TMEM164: variants seen among roughly 807,000 people sequenced by gnomAD.
TMEM164 encodes RP13-360B22.2.
A neutral mutation model predicts 18.8 loss-of-function variants in TMEM164; 4 were observed. The ratio of observed to expected loss-of-function variants is 0.21; its 90% CI spans 0.10 to 0.49. The LOEUF (loss-of-function observed/expected upper bound fraction) is 0.49. Among genes scored for constraint, TMEM164 ranks in the 20% least tolerant of loss-of-function variants. The probability of loss-of-function intolerance (pLI) is 0.98; values close to 1 mark genes in which losing one functional copy is unlikely to be tolerated. For missense variants in TMEM164, 108 were observed against 239.9 expected, an observed-to-expected ratio of 0.45 and a Z score of 3.63; for synonymous variants, 86 against 101.7, an observed-to-expected ratio of 0.85 and a Z score of 0.93.
At chrX:110,153,013 AC>A (rs1222235097) in intron 5 of TMEM164, among the ~76,000 whole-genome samples, 1 of 111,545 alleles carries the variant, frequency 9.0e-6, no homozygotes, top group African/African-American at 3.3e-5. Context: ...CTGTGGTGAT[AC>A]CCAAATCCTT....
chrX:110,070,038 G>A (rs1421552492), intron 3 of TMEM164, among the ~76,000 whole-genome samples: 1 of 111,425 alleles, frequency 9.0e-6, no homozygotes, highest in African/African-American at 3.3e-5. Flanking sequence ...TTCTGGGGCC[G>A]GGCACGGTGG....
chrX:110,075,027 G>A (rs754787864), intron 3 of TMEM164, among the ~76,000 whole-genome samples: 20 of 111,849 alleles, frequency 1.8e-4, no homozygotes, highest in Non-Finnish European at 3.6e-4. Flanking sequence ...GAGTAGCATT[G>A]AATCTGTAGA....
Position 110,144,733 on chromosome X carries a change from C to A in TMEM164, c.508-65C>A, listed in dbSNP as rs2066827602. The stretch of plus-strand genomic sequence containing the variant: ...GGTCCTGAACAGCAGGGGAGGTCAA[C>A]TTTGGACTCTGTTGAAATGAATGCT... On this transcript the variant is annotated intron_variant, in intron 4 of 6. Transcript: ENST00000372068. The A allele has an allele frequency of 2.1e-5, 21 of 1,002,406 alleles. 1 individual carries two copies. The South Asian group carries it at 3.6e-4, about 17-fold the overall frequency. The allele number at this position is 1,002,406 out of a possible 1,213,427, so 82.6% of individuals were successfully genotyped here.
intron 4 of TMEM164, among the ~76,000 whole-genome samples, chrX:110,141,114 T>G (rs1452432990): frequency 8.9e-6 from 1 of 111,824 alleles, no homozygotes; most frequent in Non-Finnish European, 1.9e-5. Flanking sequence ...GAATAGCCAC[T>G]GTACTGCAGC....
At chrX:110,163,554 A>G (rs1282507317) in intron 5 of TMEM164, among the ~76,000 whole-genome samples, 1 of 112,235 alleles carries the variant, frequency 8.9e-6, no homozygotes, top group Admixed American at 9.4e-5. Context: ...ACTGGCATAG[A>G]CAATTATTTC....
intron 2 of TMEM164, among the ~76,000 whole-genome samples, chrX:110,015,580 TGC>T (rs1299962124): frequency 1.4e-4 from 15 of 108,264 alleles, no homozygotes; most frequent in Non-Finnish European, 2.7e-4. Context: ...TGTGTGTGTG[TGC>T]GCGCCTGTCA....
At chrX:110,092,208 A>G (rs1479217581) in intron 3 of TMEM164, among the ~76,000 whole-genome samples, 1 of 111,701 alleles carries the variant, frequency 9.0e-6, no homozygotes, top group Non-Finnish European at 1.9e-5. Context: ...TTTTGGTTCC[A>G]TATGAACTTT....
chrX:110,099,313 T>G (rs1413974525), intron 3 of TMEM164, among the ~76,000 whole-genome samples: 1 of 111,067 alleles, frequency 9.0e-6, no homozygotes, highest in African/African-American at 3.3e-5. Flanking sequence ...TATTGTGTTT[T>G]TGGTGTCATG....
chrX:110,067,179 C>CAA (rs1555996206), intron 2 of TMEM164, among the ~76,000 whole-genome samples, 168 bp from the exon 3 acceptor site: 2 of 111,094 alleles, frequency 1.8e-5, no homozygotes, highest in African/African-American at 6.6e-5. Context: ...CACACACACA[C>CAA]GCATGCATGC....
chrX:110,074,170 G>A lies in TMEM164; in HGVS notation c.440+6774G>A, dbSNP rs932510903. On this transcript the variant is annotated intron_variant, in intron 3 of 6. Coordinates refer to ENST00000372068, the MANE Select transcript of TMEM164 (RefSeq NM_032227.4). ...GGGGATTACAGGAGTGAGCCACCAC[G>A]CTTGACCTGATTGTGGTTTGATTTG... 1.7e-4 allele frequency among the ~76,000 whole-genome samples: 19 copies of A among 111,370 alleles called. No individual in the cohort carries two copies. In the Admixed American group the frequency reaches 1.7e-3, roughly 10 times the overall value.
chrX:110,051,326 T>A (rs756108882), intron 2 of TMEM164, among the ~76,000 whole-genome samples: 2 of 111,144 alleles, frequency 1.8e-5, no homozygotes, highest in South Asian at 3.8e-4. Flanking sequence ...CCCAGGAATT[T>A]TTTTTTCTTT....
intron 4 of TMEM164, among the ~76,000 whole-genome samples, chrX:110,123,441 A>G (rs1295497536): frequency 8.9e-6 from 1 of 111,850 alleles, no homozygotes; most frequent in Non-Finnish European, 1.9e-5. Flanking sequence ...AATGAGCAAT[A>G]TAGTGTTCAG....
In TMEM164 at chrX:110,153,547, T is replaced by C. The variant is rs957738043; in HGVS notation, c.586+8671T>C. Among the ~76,000 whole-genome samples the C allele has an allele frequency of 2.7e-5, 3 of 111,679 alleles. No homozygotes were observed. In the Admixed American group the frequency reaches 2.9e-4, roughly 11 times the overall value. On this transcript the variant is annotated intron_variant, in intron 5 of 6. Coordinates refer to ENST00000372068, the MANE Select transcript of TMEM164 (RefSeq NM_032227.4). Reference sequence around the variant, plus strand: ...TTATGTCCATTAACTGCAACTGAAATACAGTCATCTCTCGGTATCCATGGG... The same window carrying C: ...TTATGTCCATTAACTGCAACTGAAACACAGTCATCTCTCGGTATCCATGGG...
intron 2 of TMEM164, among the ~76,000 whole-genome samples, chrX:110,014,744 C>CTTTTTTTTTT (rs142705177): frequency 1.3e-4 from 7 of 54,203 alleles, no homozygotes; most frequent in Admixed American, 2.5e-4. Context: ...TTGGTTGTTT[C>CTTTTTTTTTT]TTTTTTTTTT....
chrX:110,083,450 A>G (rs1052404393), intron 3 of TMEM164, among the ~76,000 whole-genome samples: 3 of 111,291 alleles, frequency 2.7e-5, no homozygotes, highest in African/African-American at 9.8e-5. Flanking sequence ...ACCCTTATAT[A>G]TGCAACAGCT....
intron 2 of TMEM164, chrX:110,065,612 G>A (rs984151987): frequency 4.5e-5 from 5 of 111,265 alleles, no homozygotes; most frequent in Admixed American, 1.9e-4. Context: ...TGGGGAGTGG[G>A]GATAAGTCGA....
At chrX:110,063,643 C>T (rs1936206678) in intron 2 of TMEM164, among the ~76,000 whole-genome samples, 1 of 111,146 alleles carries the variant, frequency 9.0e-6, no homozygotes, top group Non-Finnish European at 1.9e-5. Context: ...TGAATGGAAC[C>T]GTGGATTTTT....
intron 4 of TMEM164, among the ~76,000 whole-genome samples, chrX:110,134,841 T>C (rs1000742422): frequency 6.4e-4 from 71 of 110,680 alleles, no homozygotes; most frequent in African/African-American, 2.1e-3. Flanking sequence ...TCTTAAAAAC[T>C]AGAACAAATT....
At chrX:110,020,877 A>T (rs1006375363) in intron 2 of TMEM164, among the ~76,000 whole-genome samples, 1 of 107,175 alleles carries the variant, frequency 9.3e-6, no homozygotes, top group Admixed American at 1.0e-4. Flanking sequence ...AAGGAGGCTG[A>T]TGTCTGAATT....
Sources: gnomAD v4.1 joint callset for allele counts (sites outside exome capture counted in the v4.1 genomes callset) on GRCh38, gnomAD v4.1.1 for gene constraint, MANE v1.5 for transcripts, NCBI Gene and HGNC (gene_info 2026-07-23, HGNC 2026-07-21) for gene names.